Variants in KCNIP4 observed in about 807,000 individuals in gnomAD.
The protein encoded by KCNIP4 is Kv channel-interacting protein 4.
A neutral mutation model predicts 34.0 loss-of-function variants in KCNIP4; 12 were observed. The ratio of observed to expected loss-of-function variants is 0.35; its 90% CI spans 0.23 to 0.57. The LOEUF is 0.57. Ranked by LOEUF, KCNIP4 falls within the 20% of genes least tolerant of loss-of-function variation. The pLI is 0.83. For synonymous variants in KCNIP4, 124 were observed against 102.2 expected (o/e 1.21, Z -1.29); for missense variants, 238 against 311.7 (o/e 0.76, Z 1.78).
intron 1 of KCNIP4, among the ~76,000 whole-genome samples, chr4:21,453,787 C>T (rs1372591623): frequency 6.6e-6 from 1 of 152,048 alleles, no homozygotes; most frequent in African/African-American, 2.4e-5. Flanking sequence ...AACGCAATGC[C>T]CATCTCCTTT....
At chr4:21,927,042 G>T (rs1456089570) in intron 1 of KCNIP4, among the ~76,000 whole-genome samples, 1 of 152,150 alleles carries the variant, frequency 6.6e-6, no homozygotes, top group Non-Finnish European at 1.5e-5. Context: ...CTCTAGGAAA[G>T]AACTCATTTG....
intron 1 of KCNIP4, among the ~76,000 whole-genome samples, chr4:21,030,465 G>A (rs554352766): frequency 1.3e-5 from 2 of 152,226 alleles, no homozygotes; most frequent in East Asian, 1.9e-4. Flanking sequence ...AATGTAATGT[G>A]CTTGAATCAT....
chr4:21,282,461 T>A (rs10027607), intron 1 of KCNIP4, among the ~76,000 whole-genome samples: 127 of 22,446 alleles, frequency 5.7e-3, no homozygotes, highest in Admixed American at 0.02. Context: ...GATGTGTGAG[T>A]GTGTGTGTGT....
intron 1 of KCNIP4, among the ~76,000 whole-genome samples, chr4:21,502,376 G>T (rs1733439218): frequency 6.6e-6 from 1 of 152,130 alleles, no homozygotes; most frequent in African/African-American, 2.4e-5. Flanking sequence ...GCACAAGATA[G>T]TTTAGATCTT....
chr4:21,915,229 C>T (rs1011441696), intron 1 of KCNIP4, among the ~76,000 whole-genome samples: 1 of 152,074 alleles, frequency 6.6e-6, no homozygotes, highest in South Asian at 2.1e-4. Flanking sequence ...ATTTTACTCA[C>T]AAAATTGGCT....
chr4:21,105,070 C>A (rs1159425592), intron 1 of KCNIP4, among the ~76,000 whole-genome samples: 1 of 151,610 alleles, frequency 6.6e-6, no homozygotes, highest in South Asian at 2.1e-4. Context: ...ATTGACTTGG[C>A]AATGTGGTCT....
chr4:21,081,175 C>T (rs557160325), intron 1 of KCNIP4, among the ~76,000 whole-genome samples: 1 of 151,708 alleles, frequency 6.6e-6, no homozygotes, highest in African/African-American at 2.4e-5. Context: ...ATGAACATTT[C>T]TGAACTTCTA....
At chr4:20,919,295 A>AAC (rs1236743654) in intron 1 of KCNIP4, among the ~76,000 whole-genome samples, 1 of 152,066 alleles carries the variant, frequency 6.6e-6, no homozygotes, top group Non-Finnish European at 1.5e-5. Context: ...GGAGCACTGA[A>AAC]AGGTATTCCA....
rs113001537 is a variant in KCNIP4, at chr4:21,638,922, C to A, written c.61+309649G>T. Among the ~76,000 whole-genome samples, 1,381 of 152,224 alleles carry A rather than the reference C, an allele frequency of 9.1e-3. 22 individuals are homozygous for A. The highest frequency in any genetic ancestry group is 0.031 in the African/African-American group (1,307 of 41,536). On this transcript the variant is annotated intron_variant, in intron 1 of 8. Coordinates refer to ENST00000382152, the MANE Select transcript of KCNIP4 (RefSeq NM_025221.6). ...AAGGTATCCAGGTGTGTTCTGATAG[C>A]AACAACAACAAAACCCTACATTCAT... is the stretch of plus-strand genomic sequence containing the variant.
At chr4:20,864,530 G>T (rs1321896646) in intron 2 of KCNIP4, among the ~76,000 whole-genome samples, 2 of 151,982 alleles carry the variant, frequency 1.3e-5, no homozygotes, top group Non-Finnish European at 2.9e-5. Flanking sequence ...CCATAACAGA[G>T]TCAGGGAATG....
intron 1 of KCNIP4, among the ~76,000 whole-genome samples, chr4:21,574,647 G>A (rs1265448584): frequency 3.3e-5 from 5 of 152,118 alleles, no homozygotes; most frequent in Admixed American, 6.6e-5. Flanking sequence ...GTAGTCAATA[G>A]TGAACCCTCA....
intron 1 of KCNIP4, among the ~76,000 whole-genome samples, chr4:21,269,996 C>T (rs1267443339): frequency 6.6e-6 from 1 of 152,152 alleles, no homozygotes; most frequent in African/African-American, 2.4e-5. Context: ...AAATTTAGAG[C>T]AAAGCCCATT....
intron 1 of KCNIP4, among the ~76,000 whole-genome samples, chr4:21,555,140 T>C (rs1009488853): frequency 9.9e-5 from 15 of 152,186 alleles, no homozygotes; most frequent in African/African-American, 3.1e-4. Flanking sequence ...AGCGAAATAG[T>C]GGTACGTCCT....
chr4:20,758,586 A>G (rs1754679184), intron 4 of KCNIP4, among the ~76,000 whole-genome samples: 2 of 152,192 alleles, frequency 1.3e-5, no homozygotes, highest in Non-Finnish European at 2.9e-5. Context: ...GAGCCACAGT[A>G]CTGGGCACAC....
intron 3 of KCNIP4, among the ~76,000 whole-genome samples, chr4:20,818,311 G>C (rs974340300): frequency 1.4e-4 from 21 of 152,216 alleles, no homozygotes; most frequent in Admixed American, 1.2e-3. Context: ...TTGGGGTGGT[G>C]GTGGTGGTAT....
At chr4:21,873,454 T>C (rs1157397117) in intron 1 of KCNIP4, among the ~76,000 whole-genome samples, 12 of 152,098 alleles carry the variant, frequency 7.9e-5, no homozygotes, top group Non-Finnish European at 1.8e-4. Context: ...GTATTATCAG[T>C]CCATCAGAAT....
At chr4:21,939,254 T>C (rs1458424530) in intron 1 of KCNIP4, among the ~76,000 whole-genome samples, 1 of 152,156 alleles carries the variant, frequency 6.6e-6, no homozygotes, top group Non-Finnish European at 1.5e-5. Context: ...ATGACTAATT[T>C]TCATTTGGAG....
rs546428623 is a variant in KCNIP4, at chr4:21,435,722, T to G, written c.61+512849A>C. On this transcript the variant is annotated intron_variant, in intron 1 of 8. Coordinates refer to ENST00000382152, the MANE Select transcript of KCNIP4 (RefSeq NM_025221.6). ...AAGAATAGGAGCTAAACCAAAATTATAAATACAGACAAGATTTTTTTTTCT... is the reference window on the plus strand; with the variant it reads ...AAGAATAGGAGCTAAACCAAAATTAGAAATACAGACAAGATTTTTTTTTCT... 9.0e-4 allele frequency among the ~76,000 whole-genome samples: 137 copies of G among 152,278 alleles called. 1 individual carries two copies. In the South Asian group the frequency reaches 0.028, roughly 31 times the overall value.
chr4:21,923,397 C>T (rs1490985274), intron 1 of KCNIP4, among the ~76,000 whole-genome samples: 1 of 152,084 alleles, frequency 6.6e-6, no homozygotes, highest in Admixed American at 6.5e-5. Flanking sequence ...GCCTGGCCAA[C>T]AGGGTAAAAC....
Sources: allele counts gnomAD v4.1 joint callset (sites outside exome capture counted in the v4.1 genomes callset), GRCh38; gene constraint gnomAD v4.1.1; transcripts MANE v1.5; gene names NCBI Gene and HGNC (gene_info 2026-07-23, HGNC 2026-07-21).